The following TRIP11 variants were observed in gnomAD, a reference collection of about 807,000 sequenced individuals.
TRIP11 encodes the protein thyroid hormone receptor interactor 11, also known as thyroid receptor-interacting protein 11.
Under a neutral mutation model 223.1 loss-of-function variants are expected in TRIP11, and 148 were observed. The observed-to-expected ratio is 0.66, with a 90% confidence interval of 0.58 to 0.76. The LOEUF is 0.76. TRIP11 is among the 30% of genes least tolerant of loss of function. The pLI is 0.00. For synonymous variants in TRIP11, 762 were observed against 772.6 expected (o/e 0.99, Z 0.23); for missense variants, 2,043 against 2,222.0 (o/e 0.92, Z 1.62).
chr14:91,988,545 C>A (rs1400202078), intron 15 of TRIP11, among the ~76,000 whole-genome samples, 162 bp from the exon 16 acceptor site: 2 of 150,860 alleles, frequency 1.3e-5, no homozygotes, highest in African/African-American at 2.4e-5. Flanking sequence ...AAGGCAGAAC[C>A]CACATTCTTT....
chr14:92,002,565 CTTTTTT>C (rs574839858), intron 11 of TRIP11, among the ~76,000 whole-genome samples: 2 of 143,876 alleles, frequency 1.4e-5, no homozygotes, highest in Admixed American at 7.0e-5. Flanking sequence ...ATAACACATT[CTTTTTT>C]TTTTTTTCTT....
At chr14:92,023,675 A>G (rs543451296) in intron 3 of TRIP11, among the ~76,000 whole-genome samples, 1 of 152,324 alleles carries the variant, frequency 6.6e-6, no homozygotes, top group South Asian at 2.1e-4. Flanking sequence ...ACACAGCTGT[A>G]AACCCCTGGG....
At chr14:92,021,505 A>C (rs1181964055) in intron 4 of TRIP11, 51 bp downstream of exon 4, 1 of 1,586,722 alleles carries the variant, frequency 6.3e-7, no homozygotes, top group Non-Finnish European at 8.6e-7. Context: ...TTTATATTAC[A>C]CCAGTAATTT....
intron 3 of TRIP11, among the ~76,000 whole-genome samples, chr14:92,022,244 A>G (rs533062097): frequency 4.6e-4 from 70 of 152,340 alleles, no homozygotes; most frequent in Middle Eastern, 3.4e-3. Flanking sequence ...CTCCTGTTAC[A>G]AGGGTGTTGT....
chr14:92,002,043 A>G (rs979735816), intron 11 of TRIP11, among the ~76,000 whole-genome samples: 3 of 152,230 alleles, frequency 2.0e-5, no homozygotes, highest in African/African-American at 7.2e-5. Flanking sequence ...GTAATGCTCA[A>G]GAAGTGCTAG....
At chr14:91,993,772 A>G (rs1482481713) in intron 15 of TRIP11, 37 bp downstream of exon 15, 2 of 1,487,770 alleles carry the variant, frequency 1.3e-6, no homozygotes, top group African/African-American at 2.8e-5. Context: ...TGTTCCATGA[A>G]TAATAAAACC....
intron 11 of TRIP11, among the ~76,000 whole-genome samples, chr14:92,000,338 G>A (rs186066489): frequency 2.0e-5 from 3 of 152,236 alleles, no homozygotes; most frequent in African/African-American, 7.2e-5. Context: ...ATCTAGAGAA[G>A]CCTATGGAGC....
Position 92,015,818 on chromosome 14 carries a change from T to C in TRIP11, c.701A>G (p.His234Arg). 3 of 1,613,162 alleles carry C rather than the reference T, an allele frequency of 1.9e-6. No homozygotes were observed. The highest frequency in any genetic ancestry group is 2.5e-6 in the Non-Finnish European group (3 of 1,179,846). The change falls in exon 6 of 21, where the codon CAT becomes CGT. Residue 234 changes from histidine to arginine, a missense_variant. Coordinates refer to ENST00000267622, the MANE Select transcript of TRIP11 (RefSeq NM_004239.4). ...TGCATTCTGCAGTACTGACATTTCA[T>C]GTTGATGGTCATCAATTTCCTGACT... is the stretch of plus-strand genomic sequence containing the variant. Reference protein sequence around the residue: ...NRSQEIDDHQHEMSVLQNAHQ... With the variant: ...NRSQEIDDHQREMSVLQNAHQ...
At chr14:91,977,070 AGAG>A (rs1407958378) in intron 16 of TRIP11, 2 of 261,784 alleles carry the variant, frequency 7.6e-6, no homozygotes, top group African/African-American at 4.6e-5. Flanking sequence ...AAAGAAATAA[AGAG>A]GAGAGCTCTA....
chr14:92,034,728 T>C (rs1338439289), intron 1 of TRIP11, among the ~76,000 whole-genome samples: 1 of 152,172 alleles, frequency 6.6e-6, no homozygotes, highest in Non-Finnish European at 1.5e-5. Context: ...TGGCTCACTG[T>C]AGCCTCAAAC....
At position 92,005,474 on chromosome 14, in the gene TRIP11, ATATT is replaced by A. The variant is rs1085307101; in HGVS notation, c.2498_2501del (p.Lys833IlefsTer5). ...TTTCATTTTTTCTTAAGGCCTGAGAATATTTATCCAATTCCTCCTGCAGCTTTGA... is the reference window on the plus strand; with the variant it reads ...TTTCATTTTTTCTTAAGGCCTGAGAATATCCAATTCCTCCTGCAGCTTTGA... On this transcript the variant is annotated frameshift_variant, in exon 11 of 21. Transcript: ENST00000267622. LOFTEE classifies it high-confidence loss of function. 1 of 1,614,078 alleles carries A rather than the reference ATATT, an allele frequency of 6.2e-7. No individual in the cohort carries two copies. Among genetic ancestry groups the A allele is most frequent in the Non-Finnish European group, 8.5e-7 (1 of 1,180,022 alleles).
chr14:91,971,340 G>A (rs2056398532), intron 20 of TRIP11, among the ~76,000 whole-genome samples: 1 of 152,160 alleles, frequency 6.6e-6, no homozygotes, highest in African/African-American at 2.4e-5. Context: ...CCGAACTCTG[G>A]GCAAGCTTCT....
chr14:92,014,372 C>T lies in TRIP11; in HGVS notation c.1029G>A (p.Lys343=), dbSNP rs1456898610. ...TTTCACATTCTTCCATTATTTGTCT[C>T]TTTTCCACATTTAGCTGTTCTTGTT... ...RREQEQLNVE[K]RQIMEECENL... Residue 343 remains lysine (K), a synonymous_variant, in exon 7 of 21, where the codon AAG becomes AAA. Transcript: ENST00000267622. 1.2e-6 allele frequency: 2 copies of T among 1,613,842 alleles called. No individual in the cohort carries two copies. Among genetic ancestry groups the T allele is most frequent in the East Asian group, 4.5e-5 (2 of 44,848 alleles).
At chr14:92,025,956 AAC>A (rs911752236) in intron 2 of TRIP11, among the ~76,000 whole-genome samples, 9 of 152,072 alleles carry the variant, frequency 5.9e-5, no homozygotes, top group African/African-American at 2.2e-4. Context: ...GTGAAATATT[AAC>A]ATTTTGCTCA....
chr14:91,972,068 T>C (rs1269531145), intron 20 of TRIP11, among the ~76,000 whole-genome samples: 1 of 152,162 alleles, frequency 6.6e-6, no homozygotes, highest in Non-Finnish European at 1.5e-5. Flanking sequence ...AATTGATAAA[T>C]TTTCTTGCGT....
At chr14:92,001,022 G>A (rs747420848) in intron 11 of TRIP11, among the ~76,000 whole-genome samples, 3 of 151,830 alleles carry the variant, frequency 2.0e-5, no homozygotes, top group Admixed American at 6.6e-5. Flanking sequence ...CACCACGTCT[G>A]GCTAATTTTT....
rs746038292 is a variant in TRIP11 at position 92,003,616 on chromosome 14, GAATT to G, written c.4356_4359del (p.Leu1452PhefsTer2). 1.2e-6 allele frequency: 2 copies of G among 1,614,054 alleles called. No individual in the cohort carries two copies. Among genetic ancestry groups the G allele is most frequent in the East Asian group, 2.2e-5 (1 of 44,858 alleles). ...TTTAGTTTGCCAATGTCCATCTCTA[GAATT>G]AATATTCTCTCCTTCAGGTTTGTTA... is the stretch of plus-strand genomic sequence containing the variant. On this transcript the variant is annotated frameshift_variant, in exon 11 of 21. Transcript: ENST00000267622. LOFTEE classifies it high-confidence loss of function.
intron 2 of TRIP11, 151 bp downstream of exon 2, chr14:92,033,041 G>A: frequency 9.4e-6 from 6 of 635,250 alleles, no homozygotes; most frequent in South Asian, 7.6e-5. Context: ...TCTACAGAAG[G>A]TTGATAAAAG....
rs1420691965 is a variant in TRIP11 at position 92,006,353 on chromosome 14, CT to C, written c.1622del (p.Lys541ArgfsTer17). ...KLKQDLNDEKKRVHQLEDDKM... is the reference protein window; with the variant it reads ...KLKQDLNDEKXRVHQLEDDKM... ...TATCATCTTCAAGTTGATGAACTCTCTTTTTTTCATCATTTAGATCTTGTTT... is the reference window on the plus strand; with the variant it reads ...TATCATCTTCAAGTTGATGAACTCTCTTTTTTCATCATTTAGATCTTGTTT... On this transcript the variant is annotated frameshift_variant, in exon 11 of 21. Coordinates refer to ENST00000267622, the MANE Select transcript of TRIP11 (RefSeq NM_004239.4). LOFTEE classifies it high-confidence loss of function. 4.3e-6 allele frequency: 7 copies of C among 1,611,914 alleles called. No homozygotes were observed. The highest frequency in any genetic ancestry group is 1.1e-5 in the South Asian group (1 of 90,594).
Sources: gnomAD v4.1 joint callset for allele counts (sites outside exome capture counted in the v4.1 genomes callset) on GRCh38, gnomAD v4.1.1 for gene constraint, MANE v1.5 for transcripts, NCBI Gene and HGNC (gene_info 2026-07-23, HGNC 2026-07-21) for gene names.